BPTF: variants seen among roughly 807,000 people sequenced by gnomAD.
BPTF encodes bromodomain PHD finger transcription factor.
Under a neutral mutation model 292.5 loss-of-function variants are expected in BPTF, and 18 were observed. That is an observed-to-expected ratio of 0.06 (90% CI 0.04 to 0.09). BPTF has a LOEUF of 0.09. Ranked by LOEUF, BPTF falls within the 10% of genes least tolerant of loss-of-function variation. The probability of loss-of-function intolerance (pLI) is 1.00; values close to 1 mark genes in which losing one functional copy is unlikely to be tolerated. For synonymous variants in BPTF, 1,225 were observed against 1,251.9 expected (o/e 0.98, Z 0.45); for missense variants, 2,726 against 3,498.7 (o/e 0.78, Z 5.57).
In BPTF at chr17:67,912,428, C is replaced by T. The variant is rs1017462944; in HGVS notation, c.4544C>T (p.Thr1515Met). The change falls in exon 11 of 28, where the codon ACG becomes ATG. Residue 1515 changes from threonine (T) to methionine (M), a missense_variant. By Grantham distance (81) the Thr-to-Met change is moderately conservative. Around this residue, in one of 22 missense-constraint regions of BPTF, gnomAD observed 713 missense variants for 714.9 expected, o/e 1.00. Coordinates refer to ENST00000306378, the MANE Select transcript of BPTF (RefSeq NM_182641.4). Reference sequence around the variant, plus strand: ...ACCAAAGAGTCTGACAGTACACAGACGACCACACCCTCAGCATCTTGTCCA... The same window carrying T: ...ACCAAAGAGTCTGACAGTACACAGATGACCACACCCTCAGCATCTTGTCCA... Reference protein sequence around the residue: ...PSTKESDSTQTTTPSASCPES... With the variant: ...PSTKESDSTQMTTPSASCPES... 24 of 1,613,550 alleles carry T rather than the reference C, an allele frequency of 1.5e-5. No homozygotes were observed. The highest frequency in any genetic ancestry group is 6.7e-5 in the East Asian group (3 of 44,890).
At chr17:67,874,097 A>G (rs1180303556) in intron 3 of BPTF, among the ~76,000 whole-genome samples, 1 of 152,246 alleles carries the variant, frequency 6.6e-6, no homozygotes, top group Non-Finnish European at 1.5e-5. Context: ...TTTGTGCAAC[A>G]AAATTAAAAG....
chr17:67,886,910 A>C (rs1038408337), intron 4 of BPTF, among the ~76,000 whole-genome samples: 2 of 152,160 alleles, frequency 1.3e-5, no homozygotes, highest in Non-Finnish European at 2.9e-5. Flanking sequence ...TGTTGTTAAC[A>C]GTTTTTCATT....
chr17:67,903,660 C>G (rs1201953432), intron 7 of BPTF, 129 bp from the exon 8 acceptor site: 2 of 774,628 alleles, frequency 2.6e-6, no homozygotes, highest in Non-Finnish European at 3.7e-6. Flanking sequence ...TAAGTTTTGT[C>G]AGTTGGGGTT....
intron 4 of BPTF, among the ~76,000 whole-genome samples, chr17:67,883,692 C>G (rs555228831): frequency 2.6e-3 from 393 of 152,154 alleles, no homozygotes; most frequent in African/African-American, 9.0e-3. Context: ...CTCCGCCCCC[C>G]TGGGTTCAAG....
At position 67,946,018 on chromosome 17, in the gene BPTF, A is replaced by G; in HGVS notation, c.7310A>G (p.Gln2437Arg). 1 of 1,614,228 alleles carries G rather than the reference A, an allele frequency of 6.2e-7. No homozygotes were observed. Among genetic ancestry groups the G allele is most frequent in the African/African-American group, 1.3e-5 (1 of 75,056 alleles). The change falls in exon 21 of 28, where the codon CAG becomes CGG. Residue 2437 changes from glutamine to arginine, a missense_variant. Around this residue, in one of 22 missense-constraint regions of BPTF, gnomAD observed 570 missense variants for 633.5 expected, o/e 0.90. Transcript: ENST00000306378. Reference protein sequence around the residue: ...QPQPQVIAVPQLQQQVQVLSQ... With the variant: ...QPQPQVIAVPRLQQQVQVLSQ... ...CAGCCCCAAGTCATTGCTGTGCCTCAGCTGCAACAACAAGTCCAGGTTCTC... is the reference window on the plus strand; with the variant it reads ...CAGCCCCAAGTCATTGCTGTGCCTCGGCTGCAACAACAAGTCCAGGTTCTC...
Position 67,912,028 on chromosome 17 carries a change from A to G in BPTF, c.4144A>G (p.Lys1382Glu), listed in dbSNP as rs1193335978. 1 of 1,613,228 alleles carries G rather than the reference A, an allele frequency of 6.2e-7. No individual in the cohort carries two copies. The highest frequency in any genetic ancestry group is 8.5e-7 in the Non-Finnish European group (1 of 1,179,836). The change falls in exon 11 of 28, where the codon AAA becomes GAA. Residue 1382 changes from lysine (K) to glutamate (E), a missense_variant. Physicochemically the swap from Lys to Glu is moderately conservative, Grantham distance 56. Transcript: ENST00000306378. ...TAAATGTAGTGATCAAATAAAGCTA[A>G]AAAATACCACTGACAAAAAGAATAA... ...VNKCSDQIKL[K>E]NTTDKKNNEN... is the part of the protein sequence containing the mutation.
intron 4 of BPTF, among the ~76,000 whole-genome samples, chr17:67,877,367 G>A (rs906666863): frequency 3.3e-5 from 5 of 152,182 alleles, no homozygotes; most frequent in East Asian, 3.8e-4. Flanking sequence ...TAGACACTTT[G>A]TGATGTCCCT....
At chr17:67,835,064 G>C (rs1271844911) in intron 1 of BPTF, among the ~76,000 whole-genome samples, 1 of 152,112 alleles carries the variant, frequency 6.6e-6, no homozygotes, top group African/African-American at 2.4e-5. Flanking sequence ...AATTAAAATA[G>C]TTTGGCAGAG....
At chr17:67,865,380 C>G (rs2059337163) in intron 2 of BPTF, among the ~76,000 whole-genome samples, 2 of 152,158 alleles carry the variant, frequency 1.3e-5, no homozygotes. Flanking sequence ...CACTGGTGTG[C>G]CCAGGCACTG....
intron 17 of BPTF, 73 bp downstream of exon 17, chr17:67,929,560 A>G: frequency 6.7e-7 from 1 of 1,503,556 alleles, no homozygotes; most frequent in Non-Finnish European, 9.0e-7. Context: ...GACTTCTTCC[A>G]AGATTAATCC....
chr17:67,866,516 A>G lies in BPTF; in HGVS notation c.1489A>G (p.Lys497Glu). Residue 497 changes from lysine (K) to glutamate (E), a missense_variant, in exon 3 of 28, where the codon AAG (lysine) becomes GAG (glutamate). This residue lies in a region of BPTF where 187 missense variants were observed against 201.5 expected (regional missense o/e 0.93). Transcript: ENST00000306378. ...AAAGAAAATTTGGTATTACAGCACA[A>G]AGGTCCAACTTGCAGAATTAATTGA... Reference protein sequence around the residue: ...NEKKIWYYSTKVQLAELIDCL... With the variant: ...NEKKIWYYSTEVQLAELIDCL... 1.9e-6 allele frequency: 3 copies of G among 1,614,172 alleles called. No homozygotes were observed. Among genetic ancestry groups the G allele is most frequent in the Non-Finnish European group, 8.5e-7 (1 of 1,179,988 alleles).
chr17:67,947,668 G>C, intron 21 of BPTF, 58 bp from the exon 22 acceptor site: 1 of 1,304,564 alleles, frequency 7.7e-7, no homozygotes, highest in Non-Finnish European at 1.1e-6. Flanking sequence ...GTTGTTATCT[G>C]TGTACTAACC....
intron 18 of BPTF, among the ~76,000 whole-genome samples, chr17:67,935,582 A>G (rs2064845638): frequency 6.6e-6 from 1 of 152,210 alleles, no homozygotes; most frequent in African/African-American, 2.4e-5. Context: ...TTAGGAATGA[A>G]AAAGTACAAT....
chr17:67,850,618 T>C (rs183760552), intron 1 of BPTF, among the ~76,000 whole-genome samples: 2 of 152,254 alleles, frequency 1.3e-5, no homozygotes, highest in Admixed American at 1.3e-4. Flanking sequence ...CTGCCCACCT[T>C]GGACTCCCAA....
At chr17:67,897,603 G>T (rs531701073) in intron 7 of BPTF, among the ~76,000 whole-genome samples, 10 of 152,150 alleles carry the variant, frequency 6.6e-5, no homozygotes, top group East Asian at 1.9e-4. Context: ...CCTTTTGGGT[G>T]GGGGGAAGGG....
In BPTF at chr17:67,903,156, T is replaced by C. The variant is rs767585033; in HGVS notation, c.2544-633T>C. ...ATGGGGCCCCATGGGCCCCTTTCTC[T>C]GCGGATGTAAGAAACCTGATTTCTG... On this transcript the variant is annotated intron_variant, in intron 7 of 27. Coordinates refer to ENST00000306378, the MANE Select transcript of BPTF (RefSeq NM_182641.4). 2.6e-5 allele frequency among the ~76,000 whole-genome samples: 4 copies of C among 152,374 alleles called. No homozygotes were observed. The East Asian group carries it at 7.7e-4, about 29-fold the overall frequency.
rs770114725 is a variant in BPTF at position 67,903,784 on chromosome 17, C to T, written c.2544-5C>T. The T allele has an allele frequency of 2.0e-6, 3 of 1,525,636 alleles. No homozygotes were observed. Among genetic ancestry groups the T allele is most frequent in the East Asian group, 4.8e-5 (2 of 41,816 alleles). 94.5% of individuals were successfully genotyped at this position (1,525,636 alleles called of 1,614,324 possible). A position where few individuals can be genotyped will look rare whatever the true frequency, so the allele number is the denominator to read the frequency against. Reference sequence around the variant, plus strand: ...AACATTGTCTTTCTATGCATGAATTCTTAGGTTACACCGGATGACATCAAT... The same window carrying T: ...AACATTGTCTTTCTATGCATGAATTTTTAGGTTACACCGGATGACATCAAT... On this transcript the variant is annotated splice_region_variant and splice_polypyrimidine_tract_variant and intron_variant, in intron 7 of 27. Coordinates refer to ENST00000306378, the MANE Select transcript of BPTF (RefSeq NM_182641.4).
intron 24 of BPTF, chr17:67,960,524 T>C (rs2067377789): frequency 1.3e-5 from 2 of 152,224 alleles, no homozygotes; most frequent in Non-Finnish European, 2.9e-5. Flanking sequence ...TTTGGTGATA[T>C]AAACAAGATT....
chr17:67,864,610 A>G (rs926797028), intron 2 of BPTF, among the ~76,000 whole-genome samples: 1 of 151,652 alleles, frequency 6.6e-6, no homozygotes, highest in African/African-American at 2.4e-5. Context: ...CTTTGAATGG[A>G]TTAGCAGGTA....
Sources: allele counts gnomAD v4.1 joint callset (sites outside exome capture counted in the v4.1 genomes callset), GRCh38; gene constraint gnomAD v4.1.1; regional missense constraint gnomAD v4.1.1; transcripts MANE v1.5; gene names NCBI Gene and HGNC (gene_info 2026-07-23, HGNC 2026-07-21).